HPCAL1: variants seen among roughly 807,000 people sequenced by gnomAD.
HPCAL1 encodes the protein hippocalcin-like protein 1.
In HPCAL1, 8 loss-of-function variants were observed where a neutral mutation model predicts 17.1. That is an observed-to-expected ratio of 0.47 (90% CI 0.27 to 0.84). The LOEUF is 0.84. Among genes scored for constraint, HPCAL1 ranks in the 40% least tolerant of loss-of-function variants. The probability of loss-of-function intolerance (pLI) is 0.13; values close to 1 mark genes in which losing one functional copy is unlikely to be tolerated. For synonymous variants in HPCAL1, 112 were observed against 111.4 expected (o/e 1.01, Z -0.03); for missense variants, 165 against 271.1 (o/e 0.61, Z 2.75).
intron 2 of HPCAL1, among the ~76,000 whole-genome samples, chr2:10,414,290 T>C (rs1368353424): frequency 6.6e-6 from 1 of 152,218 alleles, no homozygotes; most frequent in East Asian, 1.9e-4. Flanking sequence ...GCTGTGCTAC[T>C]GTAACACGGG....
chr2:10,384,016 TAC>T lies in HPCAL1; in HGVS notation c.-110-12808_-110-12807del, dbSNP rs70948888. Among the ~76,000 whole-genome samples the T allele has an allele frequency of 3.4e-5, 5 of 147,212 alleles. No homozygotes were observed. The highest frequency in any genetic ancestry group is 7.6e-5 in the Non-Finnish European group (5 of 65,498). On this transcript the variant is annotated intron_variant, in intron 1 of 4. Transcript: ENST00000307845. The surrounding 1 kb of genome is among the most constrained non-coding windows in gnomAD (Gnocchi z 4.4). ...TAATTACACATGCATATACATCGCGTACACACACACACCCACACACACACACA... is the reference window on the plus strand; with the variant it reads ...TAATTACACATGCATATACATCGCGTACACACACACCCACACACACACACA...
In HPCAL1 at chr2:10,401,187, C is replaced by G. The variant is rs116217583; in HGVS notation, c.-25+4267C>G. 4.4e-3 allele frequency among the ~76,000 whole-genome samples: 677 copies of G among 152,290 alleles called. 9 individuals are homozygous for G. Among genetic ancestry groups the G allele is most frequent in the African/African-American group, 0.015 (640 of 41,570 alleles). On this transcript the variant is annotated intron_variant, in intron 2 of 4. Transcript: ENST00000307845. ...CCAGGCTCCTCCCCACCCATGTCAC[C>G]GGCCTCTCTAGGTGGAGTCCACAGT...
intron 2 of HPCAL1, among the ~76,000 whole-genome samples, 157 bp downstream of exon 2, chr2:10,397,077 C>T (rs1401613469): frequency 1.3e-5 from 2 of 152,194 alleles, no homozygotes; most frequent in East Asian, 3.8e-4. Flanking sequence ...GGCAGCCCAG[C>T]TAGCACCCCT....
At chr2:10,308,795 T>TTAAAATACA (rs1662779631) in intron 1 of HPCAL1, among the ~76,000 whole-genome samples, 1 of 152,232 alleles carries the variant, frequency 6.6e-6, no homozygotes, top group Admixed American at 6.5e-5. Flanking sequence ...GCGCATGTAT[T>TTAAAATACA]GATGTGTCAG....
rs1245069701 is a variant in HPCAL1 at position 10,362,380 on chromosome 2, C to T, written c.-110-34455C>T. Among the ~76,000 whole-genome samples the T allele has an allele frequency of 6.6e-6, 1 of 152,224 alleles. No homozygotes were observed. The highest frequency in any genetic ancestry group is 2.4e-5 in the African/African-American group (1 of 41,536). ...GGCCACATGACAGCAAGCAGAGCCT[C>T]GAATGCCTGAGTCCTGGCTCCAGAG... On this transcript the variant is annotated intron_variant, in intron 1 of 4. Coordinates refer to ENST00000307845, the MANE Select transcript of HPCAL1 (RefSeq NM_002149.4). The surrounding 1 kb of genome is among the most constrained non-coding windows in gnomAD (Gnocchi z 5.0).
At chr2:10,414,792 T>C (rs568886899) in intron 2 of HPCAL1, among the ~76,000 whole-genome samples, 6 of 152,234 alleles carry the variant, frequency 3.9e-5, no homozygotes, top group African/African-American at 1.2e-4. Context: ...CGTCATCACC[T>C]TTCAGCTGAA....
In HPCAL1 at chr2:10,426,938, C is replaced by A; in HGVS notation, c.*117C>A. 3 of 937,530 alleles carry A rather than the reference C, an allele frequency of 3.2e-6. No homozygotes were observed. Among genetic ancestry groups the A allele is most frequent in the South Asian group, 1.4e-5 (1 of 71,184 alleles). The allele number at this position is 937,530 out of a possible 1,614,324, so 58.1% of individuals were successfully genotyped here. ...GCTCTCCCGGGCCCCGGGCCTGGGGCATGCGTTGCACCTGCCCAGCCCGGT... is the reference window on the plus strand; with the variant it reads ...GCTCTCCCGGGCCCCGGGCCTGGGGAATGCGTTGCACCTGCCCAGCCCGGT... On this transcript the variant is annotated 3_prime_UTR_variant, in exon 5 of 5. Coordinates refer to ENST00000307845, the MANE Select transcript of HPCAL1 (RefSeq NM_002149.4).
At chr2:10,399,247 C>CCGCCACCACCACCACCACCAT (rs1558517545) in intron 2 of HPCAL1, among the ~76,000 whole-genome samples, 10 of 92,758 alleles carry the variant, frequency 1.1e-4, no homozygotes, top group African/African-American at 4.9e-4. Flanking sequence ...ACCATCACCA[C>CCGCCACCACCACCACCACCAT]CACCACCACC....
chr2:10,311,633 A>G (rs1281461912), intron 1 of HPCAL1, among the ~76,000 whole-genome samples: 2 of 152,096 alleles, frequency 1.3e-5, no homozygotes, highest in African/African-American at 4.8e-5. Context: ...GAAGATGTAG[A>G]GCACAGGTAA....
intron 1 of HPCAL1, among the ~76,000 whole-genome samples, chr2:10,311,027 A>G (rs1489878812): frequency 6.6e-6 from 1 of 152,194 alleles, no homozygotes; most frequent in African/African-American, 2.4e-5. Flanking sequence ...TTTTAACATC[A>G]TGCAGTTTTC....
In HPCAL1 at chr2:10,384,586, T is replaced by C. The variant is rs940117934; in HGVS notation, c.-110-12249T>C. On this transcript the variant is annotated intron_variant, in intron 1 of 4. Coordinates refer to ENST00000307845, the MANE Select transcript of HPCAL1 (RefSeq NM_002149.4). This position sits in a 1 kb window ranked among gnomAD's most constrained non-coding sequence, Gnocchi z 4.4. Reference sequence around the variant, plus strand: ...AGTGGAATCTCGGTGGCAGAGTGGATGAAGGGGAGGTGCTCAGTGCTATGA... The same window carrying C: ...AGTGGAATCTCGGTGGCAGAGTGGACGAAGGGGAGGTGCTCAGTGCTATGA... Among the ~76,000 whole-genome samples the C allele has an allele frequency of 4.0e-5, 6 of 149,268 alleles. No homozygotes were observed. Among genetic ancestry groups the C allele is most frequent in the Non-Finnish European group, 1.5e-5 (1 of 67,034 alleles).
intron 3 of HPCAL1, among the ~76,000 whole-genome samples, chr2:10,420,644 A>C (rs1187234417): frequency 1.3e-5 from 2 of 152,200 alleles, no homozygotes; most frequent in Non-Finnish European, 2.9e-5. Context: ...ATCACTTGCT[A>C]TACATCAGGG....
intron 1 of HPCAL1, among the ~76,000 whole-genome samples, chr2:10,372,670 C>T (rs528992829): frequency 2.0e-5 from 3 of 152,334 alleles, no homozygotes; most frequent in East Asian, 1.9e-4. Flanking sequence ...CCTGCCTGCC[C>T]GGAGGGTGGC....
chr2:10,411,901 C>G (rs1670381611), intron 2 of HPCAL1, among the ~76,000 whole-genome samples: 1 of 152,204 alleles, frequency 6.6e-6, no homozygotes, highest in Admixed American at 6.5e-5. Context: ...TCCTCACCAG[C>G]CTTCCTCTGG....
intron 2 of HPCAL1, chr2:10,406,196 G>A (rs1276202505): frequency 6.6e-6 from 1 of 152,258 alleles, no homozygotes; most frequent in Non-Finnish European, 1.5e-5. Flanking sequence ...GTCGTGCAGG[G>A]CTTGAGTGCC....
chr2:10,419,705 G>T lies in HPCAL1; in HGVS notation c.-24-29G>T. On this transcript the variant is annotated intron_variant, in intron 2 of 4. Transcript: ENST00000307845. The surrounding 1 kb of genome is among the most constrained non-coding windows in gnomAD (Gnocchi z 5.0). ...CAGCCCTGCTCCGTGGCCGTGGGTG[G>T]CGTCCCCGGCTGACCCCCTGTCTTG... 1 of 1,564,200 alleles carries T rather than the reference G, an allele frequency of 6.4e-7. No homozygotes were observed. The highest frequency in any genetic ancestry group is 8.7e-7 in the Non-Finnish European group (1 of 1,156,002).
chr2:10,325,806 T>G (rs1438899395), intron 1 of HPCAL1, among the ~76,000 whole-genome samples: 1 of 152,224 alleles, frequency 6.6e-6, no homozygotes, highest in Non-Finnish European at 1.5e-5. Flanking sequence ...TGCACCTCGG[T>G]CCTGCTGGTC....
intron 1 of HPCAL1, among the ~76,000 whole-genome samples, chr2:10,334,150 A>G (rs1010424483): frequency 2.6e-5 from 4 of 152,230 alleles, no homozygotes; most frequent in Non-Finnish European, 5.9e-5. Flanking sequence ...ACATGTGCGT[A>G]ACCTTAAACA....
chr2:10,336,028 C>A (rs1664695835), intron 1 of HPCAL1, among the ~76,000 whole-genome samples: 1 of 151,872 alleles, frequency 6.6e-6, no homozygotes, highest in Non-Finnish European at 1.5e-5. Context: ...AAATTAATTG[C>A]ATGTTCATAT....
Sources: gnomAD v4.1 joint callset for allele counts (sites outside exome capture counted in the v4.1 genomes callset) on GRCh38, gnomAD v4.1.1 for gene constraint, Gnocchi (gnomAD v3.1) non-coding constraint, MANE v1.5 for transcripts, NCBI Gene and HGNC (gene_info 2026-07-23, HGNC 2026-07-21) for gene names.